MYH15: variants seen among roughly 807,000 people sequenced by gnomAD.
The protein encoded by MYH15 is myosin heavy chain 15, also known as myosin-15.
MYH15 carries 227 observed loss-of-function variants against 240.5 expected under a neutral mutation model. That is an observed-to-expected ratio of 0.94 (90% CI 0.85 to 1.05). MYH15 has a LOEUF of 1.05. Among genes scored for constraint, MYH15 ranks in the 50% least tolerant of loss-of-function variants. MYH15 has a pLI of 0.00. For missense variants in MYH15, 2,217 were observed against 2,247.5 expected (o/e 0.99, Z 0.27); for synonymous variants, 785 against 796.7 (o/e 0.99, Z 0.25).
At chr3:108,467,187 TG>T (rs2107584942) in intron 14 of MYH15, among the ~76,000 whole-genome samples, 1 of 151,944 alleles carries the variant, frequency 6.6e-6, no homozygotes, top group East Asian at 1.9e-4. Context: ...GGAACTTGAC[TG>T]CTTTGCTGTG....
In MYH15 at chr3:108,383,745, A is replaced by AAC. The variant is rs1553761701; in HGVS notation, c.5632-17_5632-16insGT. ...CTTGTGTTTCCTATAAAAATAAAAA[A>AAC]AAAAAAAAAGAAATCTCCATGCCTA... is the stretch of plus-strand genomic sequence containing the variant. On this transcript the variant is annotated splice_polypyrimidine_tract_variant and intron_variant, in intron 39 of 40. Transcript: ENST00000693548. 5 of 1,534,098 alleles carry AAC rather than the reference A, an allele frequency of 3.3e-6. No homozygotes were observed. In the South Asian group the frequency reaches 3.8e-5, roughly 12 times the overall value.
Position 108,384,808 on chromosome 3 carries a change from A to C in MYH15, c.5536-26T>G, listed in dbSNP as rs372155329. The C allele has an allele frequency of 2.5e-6, 4 of 1,595,490 alleles. No homozygotes were observed. The African/African-American group carries it at 5.4e-5, about 21-fold the overall frequency. ...CTGCAATACATAGGCATGTATGGGA[A>C]GGTGATTCAGAGGATCCAGCAGTCT... On this transcript the variant is annotated intron_variant, in intron 38 of 40. Coordinates refer to ENST00000693548, the MANE Select transcript of MYH15 (RefSeq NM_014981.3).
chr3:108,416,653 G>A (rs1454374480), intron 29 of MYH15, among the ~76,000 whole-genome samples, 159 bp downstream of exon 29: 1 of 152,106 alleles, frequency 6.6e-6, no homozygotes, highest in African/African-American at 2.4e-5. Context: ...AGATCCTTCA[G>A]TCATCAGGGT....
At chr3:108,477,019 A>G (rs1044878878) in intron 11 of MYH15, among the ~76,000 whole-genome samples, 1 of 152,192 alleles carries the variant, frequency 6.6e-6, no homozygotes, top group Non-Finnish European at 1.5e-5. Context: ...AAAATTGTAC[A>G]CAAATGTTTC....
At chr3:108,531,763 C>T (rs111912641), upstream of MYH15, among the ~76,000 whole-genome samples, 3 of 146,290 alleles carry the variant, frequency 2.1e-5, no homozygotes, top group Non-Finnish European at 3.0e-5. Flanking sequence ...GGCGACAGAG[C>T]GAGACCCCAT....
At chr3:108,487,383 T>A (rs975409360) in intron 9 of MYH15, among the ~76,000 whole-genome samples, 3 of 152,230 alleles carry the variant, frequency 2.0e-5, no homozygotes, top group African/African-American at 7.2e-5. Flanking sequence ...CAAATAACCA[T>A]CTGCAGTTGA....
At chr3:108,524,021 T>C (rs528077808) in intron 1 of MYH15, among the ~76,000 whole-genome samples, 2 of 152,046 alleles carry the variant, frequency 1.3e-5, no homozygotes, top group Middle Eastern at 3.4e-3. Context: ...AGCATCCTTG[T>C]ACGTGTGTCA....
intron 35 of MYH15, among the ~76,000 whole-genome samples, chr3:108,396,071 T>G (rs1386663749): frequency 6.6e-6 from 1 of 152,176 alleles, no homozygotes; most frequent in Non-Finnish European, 1.5e-5. Context: ...ACACATCAAG[T>G]TTCAGAAACT....
intron 25 of MYH15, among the ~76,000 whole-genome samples, chr3:108,436,247 T>TAC (rs1183153792): frequency 1.3e-5 from 2 of 152,232 alleles, no homozygotes; most frequent in Non-Finnish European, 2.9e-5. Flanking sequence ...CAGTATCATT[T>TAC]ACACTTTGCT....
At chr3:108,457,774 C>T (rs1031057664) in intron 18 of MYH15, among the ~76,000 whole-genome samples, 2 of 152,232 alleles carry the variant, frequency 1.3e-5, no homozygotes, top group African/African-American at 4.8e-5. Context: ...CGGCTCATGC[C>T]TGTAATCACG....
chr3:108,456,037 G>A (rs981727948), intron 19 of MYH15, among the ~76,000 whole-genome samples, 178 bp from the exon 20 acceptor site: 1 of 152,004 alleles, frequency 6.6e-6, no homozygotes, highest in Non-Finnish European at 1.5e-5. Context: ...CCCTTGCATT[G>A]GTATAATAGT....
At chr3:108,531,623 C>G (rs906148766), upstream of MYH15, among the ~76,000 whole-genome samples, 1 of 151,584 alleles carries the variant, frequency 6.6e-6, no homozygotes, top group African/African-American at 2.4e-5. Context: ...CTAAAAAATA[C>G]AAAAAAATTA....
intron 37 of MYH15, among the ~76,000 whole-genome samples, chr3:108,389,915 C>A (rs2082411563): frequency 6.6e-6 from 1 of 152,146 alleles, no homozygotes; most frequent in African/African-American, 2.4e-5. Flanking sequence ...CAAGAATGTG[C>A]CTAGCACATC....
At chr3:108,452,748 G>A (rs1280227236) in intron 21 of MYH15, among the ~76,000 whole-genome samples, 2 of 152,058 alleles carry the variant, frequency 1.3e-5, no homozygotes, top group Non-Finnish European at 2.9e-5. Context: ...GTAAGACTTG[G>A]ATTACAGCAG....
At chr3:108,489,175 C>G (rs2083328090) in intron 9 of MYH15, among the ~76,000 whole-genome samples, 1 of 152,094 alleles carries the variant, frequency 6.6e-6, no homozygotes, top group African/African-American at 2.4e-5. Context: ...ATAAGATGTA[C>G]AGTTTGCAAA....
intron 33 of MYH15, among the ~76,000 whole-genome samples, chr3:108,401,724 C>G (rs2082507363): frequency 1.3e-5 from 2 of 152,194 alleles, no homozygotes; most frequent in South Asian, 4.1e-4. Context: ...CTGCACTTTT[C>G]CCACAGTTGT....
At chr3:108,492,850 C>G (rs923493354) in intron 8 of MYH15, among the ~76,000 whole-genome samples, 1 of 151,878 alleles carries the variant, frequency 6.6e-6, no homozygotes, top group Non-Finnish European at 1.5e-5. Context: ...ACTTGAGAGG[C>G]TGAGGTAGAG....
At chr3:108,503,547 T>C (rs2083453881) in intron 2 of MYH15, among the ~76,000 whole-genome samples, 4 of 152,158 alleles carry the variant, frequency 2.6e-5, no homozygotes, top group African/African-American at 9.7e-5. Flanking sequence ...AATATGTACA[T>C]GAAAAGATGC....
intron 1 of MYH15, among the ~76,000 whole-genome samples, chr3:108,528,411 C>A (rs1352983574): frequency 2.0e-5 from 3 of 152,160 alleles, no homozygotes; most frequent in African/African-American, 7.2e-5. Flanking sequence ...TCTTAAACTT[C>A]TTGCAATAGT....
Sources: gnomAD v4.1 joint callset for allele counts (sites outside exome capture counted in the v4.1 genomes callset) on GRCh38, gnomAD v4.1.1 for gene constraint, MANE v1.5 for transcripts, NCBI Gene and HGNC (gene_info 2026-07-23, HGNC 2026-07-21) for gene names.